BPHL: variants seen among roughly 807,000 people sequenced by gnomAD.
BPHL encodes the protein serine hydrolase BPHL.
Under a neutral mutation model 31.2 loss-of-function variants are expected in BPHL, and 27 were observed. The ratio of observed to expected loss-of-function variants is 0.87; its 90% CI spans 0.64 to 1.19. BPHL has a LOEUF of 1.19. BPHL is among the 50% of genes most tolerant of loss of function. The pLI is 0.00. For synonymous variants in BPHL, 150 were observed against 146.8 expected (o/e 1.02, Z -0.16); for missense variants, 356 against 375.7 (o/e 0.95, Z 0.43).
At chr6:3,142,280 A>C (rs1762199765) in intron 6 of BPHL, among the ~76,000 whole-genome samples, 1 of 151,862 alleles carries the variant, frequency 6.6e-6, no homozygotes, top group South Asian at 2.1e-4. Flanking sequence ...CACCACGCCC[A>C]GCTAATTTTT....
chr6:3,121,729 C>A lies in BPHL; in HGVS notation c.108-1928C>A, dbSNP rs1163503819. On this transcript the variant is annotated intron_variant, in intron 1 of 6. Transcript: ENST00000380379. ...CATTGCTTGGTGGCTTCATTGATGC[C>A]CCTTTAATAATATTTCTGTAGATAA... Among the ~76,000 whole-genome samples the A allele has an allele frequency of 2.6e-5, 4 of 152,178 alleles. No individual in the cohort carries two copies. The South Asian group carries it at 8.3e-4, about 32-fold the overall frequency.
chr6:3,142,474 T>G (rs114897823), intron 6 of BPHL, among the ~76,000 whole-genome samples: 4,568 of 152,312 alleles, frequency 0.03, 102 homozygotes, highest in Non-Finnish European at 0.048. Context: ...ACGTTTGCAG[T>G]GTACAAAGTG....
At chr6:3,146,773 TG>T (rs1762394019) in intron 6 of BPHL, among the ~76,000 whole-genome samples, 1 of 133,362 alleles carries the variant, frequency 7.5e-6, no homozygotes. Flanking sequence ...AGTGCTGGTT[TG>T]GGTCGAGTGC....
At chr6:3,131,725 A>G (rs147028023) in intron 4 of BPHL, among the ~76,000 whole-genome samples, 6 of 152,146 alleles carry the variant, frequency 3.9e-5, no homozygotes, top group African/African-American at 1.4e-4. Flanking sequence ...CACGTGGGAT[A>G]AATGGCCATT....
At position 3,146,130 on chromosome 6, in the gene BPHL, G is replaced by A. The variant is rs184786958; in HGVS notation, c.788+5621G>A. On this transcript the variant is annotated intron_variant, in intron 6 of 6. Coordinates refer to ENST00000380379, the MANE Select transcript of BPHL (RefSeq NM_004332.4). ...TCCGGTTGGAGTGCTGGTTCGGGTC[G>A]GAGTGCTGGTTCGGGTTGGAGTGCT... 5.5e-4 allele frequency among the ~76,000 whole-genome samples: 30 copies of A among 54,904 alleles called. 3 individuals carry two copies. The highest frequency in any genetic ancestry group is 1.9e-3 in the African/African-American group (25 of 13,504). 36.0% of individuals were successfully genotyped at this position (54,904 alleles called of 152,430 possible). A position where few individuals can be genotyped will look rare whatever the true frequency, so the allele number is the denominator to read the frequency against.
chr6:3,119,232 A>C, intron 1 of BPHL: 2 of 1,476,576 alleles, frequency 1.4e-6, no homozygotes, highest in Non-Finnish European at 1.8e-6. Context: ...TGCTCTGTCC[A>C]GAGTCCACAC....
rs142282566 is a variant in BPHL, at chr6:3,140,708, A to G, written c.788+199A>G. Among the ~76,000 whole-genome samples the G allele has an allele frequency of 2.4e-3, 373 of 152,320 alleles. 2 individuals are homozygous for G. The highest frequency in any genetic ancestry group is 8.4e-3 in the African/African-American group (348 of 41,566). ...TGAACTGTGGGTGACTGATAACCAG[A>G]AGGAAAGGCATGTTCAGATAGACAG... is the stretch of plus-strand genomic sequence containing the variant. On this transcript the variant is annotated intron_variant, in intron 6 of 6. Coordinates refer to ENST00000380379, the MANE Select transcript of BPHL (RefSeq NM_004332.4). This position sits in a 1 kb window ranked among gnomAD's most constrained non-coding sequence, Gnocchi z 5.2.
chr6:3,152,659 C>T lies in BPHL; in HGVS notation c.*84C>T, dbSNP rs1364740913. 18 of 1,265,742 alleles carry T rather than the reference C, an allele frequency of 1.4e-5. No homozygotes were observed. The highest frequency in any genetic ancestry group is 1.5e-5 in the Non-Finnish European group (13 of 892,462). The allele number at this position is 1,265,742 out of a possible 1,614,324, so 78.4% of individuals were successfully genotyped here. Reference sequence around the variant, plus strand: ...GTTAACATGATGCCTTTGAAACTCTCCGCCTTTGAAACTTTCTACCCCTCC... The same window carrying T: ...GTTAACATGATGCCTTTGAAACTCTTCGCCTTTGAAACTTTCTACCCCTCC... On this transcript the variant is annotated 3_prime_UTR_variant, in exon 7 of 7. Coordinates refer to ENST00000380379, the MANE Select transcript of BPHL (RefSeq NM_004332.4).
At chr6:3,146,804 G>A (rs1258638635) in intron 6 of BPHL, among the ~76,000 whole-genome samples, 1 of 149,854 alleles carries the variant, frequency 6.7e-6, no homozygotes. Flanking sequence ...TCGGAGTGCT[G>A]GTTCGGGTTG....
At position 3,118,788 on chromosome 6, in the gene BPHL, T is replaced by G. The variant is rs534431243; in HGVS notation, c.48T>G (p.Leu16=). 7.2e-4 allele frequency: 901 copies of G among 1,250,422 alleles called. 8 individuals carry two copies. In the African/African-American group the frequency reaches 0.012, roughly 17 times the overall value. 77.5% of individuals were successfully genotyped at this position (1,250,422 alleles called of 1,614,324 possible). Residue 16 remains leucine, a synonymous_variant, in exon 1 of 7, where the codon CTT becomes CTG. Coordinates refer to ENST00000380379, the MANE Select transcript of BPHL (RefSeq NM_004332.4). ...GGGGCGTGTTGCGCCTGCGGCTGCT[T>G]CTCTCAGCGCTGAAGCCCGGGATCC... ...GGRGVLRLRL[L]LSALKPGIHV...
intron 6 of BPHL, among the ~76,000 whole-genome samples, chr6:3,144,260 G>A (rs2113771527): frequency 6.6e-6 from 1 of 152,188 alleles, no homozygotes; most frequent in African/African-American, 2.4e-5. Context: ...GTGGAGACGG[G>A]GTTTCACGGC....
At chr6:3,144,543 C>G (rs538913967) in intron 6 of BPHL, among the ~76,000 whole-genome samples, 1 of 152,092 alleles carries the variant, frequency 6.6e-6, no homozygotes, top group South Asian at 2.1e-4. Context: ...TACCACCACT[C>G]CTAGCTAATT....
intron 6 of BPHL, among the ~76,000 whole-genome samples, chr6:3,145,369 G>A (rs1387197932): frequency 1.5e-5 from 1 of 64,636 alleles, no homozygotes; most frequent in African/African-American, 5.3e-5. Flanking sequence ...GTGGGTTGGA[G>A]TGCTGGTTCG....
intron 3 of BPHL, among the ~76,000 whole-genome samples, chr6:3,127,640 T>C (rs1761752961): frequency 6.6e-6 from 1 of 152,228 alleles, no homozygotes; most frequent in Non-Finnish European, 1.5e-5. Flanking sequence ...TCTTATTACA[T>C]CACAAACGCA....
In BPHL at chr6:3,149,130, A is replaced by G. The variant is rs1005641944; in HGVS notation, c.789-3358A>G. ...TTCTATTACTGTCCGCATTTTCCAG[A>G]TGAGGAATTGTGACTCAGGGAGATG... On this transcript the variant is annotated intron_variant, in intron 6 of 6. Transcript: ENST00000380379. The surrounding 1 kb of genome is among the most constrained non-coding windows in gnomAD (Gnocchi z 4.6). Among the ~76,000 whole-genome samples, 29 of 152,174 alleles carry G rather than the reference A, an allele frequency of 1.9e-4. No individual in the cohort carries two copies. Among genetic ancestry groups the G allele is most frequent in the African/African-American group, 7.0e-4 (29 of 41,444 alleles).
At chr6:3,137,999 C>G (rs1340551422) in intron 5 of BPHL, 1 of 1,280,500 alleles carries the variant, frequency 7.8e-7, no homozygotes, top group Admixed American at 2.3e-5. Context: ...ATGACTGTAA[C>G]CATGAACAAT....
intron 6 of BPHL, among the ~76,000 whole-genome samples, chr6:3,146,686 C>T (rs1291651233): frequency 9.4e-6 from 1 of 106,270 alleles, no homozygotes; most frequent in Non-Finnish European, 1.8e-5. Context: ...GTGCTGGTTC[C>T]AGTTGAGTGC....
intron 1 of BPHL, 73 bp downstream of exon 1, chr6:3,118,920 C>G (rs887354480): frequency 6.9e-6 from 8 of 1,163,978 alleles, no homozygotes; most frequent in African/African-American, 1.6e-5. Flanking sequence ...GGGCGCGTGC[C>G]GACAGCAGGA....
At position 3,127,346 on chromosome 6, in the gene BPHL, G is replaced by T; in HGVS notation, c.316G>T (p.Asp106Tyr). ...AGGCTATGGACATTCCAGGCCCCCA[G>T]ATCGCGATTTCCCAGCAGACTTTTT... Reference protein sequence around the residue: ...PRGYGHSRPPDRDFPADFFER... With the variant: ...PRGYGHSRPPYRDFPADFFER... The change falls in exon 3 of 7, where the codon GAT (aspartate) becomes TAT (tyrosine). Residue 106 changes from aspartate to tyrosine, a missense_variant. By Grantham distance (160) the Asp-to-Tyr change is radical. Coordinates refer to ENST00000380379, the MANE Select transcript of BPHL (RefSeq NM_004332.4). 1 of 1,609,024 alleles carries T rather than the reference G, an allele frequency of 6.2e-7. No individual in the cohort carries two copies.
Sources: allele counts gnomAD v4.1 joint callset (sites outside exome capture counted in the v4.1 genomes callset), GRCh38; gene constraint gnomAD v4.1.1; non-coding constraint Gnocchi (gnomAD v3.1); transcripts MANE v1.5; gene names NCBI Gene and HGNC (gene_info 2026-07-23, HGNC 2026-07-21).